Variants in GSDMB observed in about 807,000 individuals in gnomAD.
GSDMB encodes the protein gasdermin B, also known as gasdermin-B.
GSDMB carries 32 observed loss-of-function variants against 42.9 expected under a neutral mutation model. That is an observed-to-expected ratio of 0.75 (90% CI 0.56 to 1.00). GSDMB has a LOEUF of 1.00. Ranked by LOEUF, GSDMB falls within the 50% of genes least tolerant of loss-of-function variation. The pLI is 0.00. For missense variants in GSDMB, 468 were observed against 498.5 expected, an observed-to-expected ratio of 0.94 and a Z score of 0.58; for synonymous variants, 175 against 193.7, an observed-to-expected ratio of 0.90 and a Z score of 0.80.
intron 6 of GSDMB, 94 bp from the exon 7 acceptor site, chr17:39,907,081 A>C (rs1378839507): frequency 1.3e-6 from 2 of 1,590,308 alleles, no homozygotes; most frequent in Non-Finnish European, 1.7e-6. Flanking sequence ...TTACTCTTGC[A>C]ATCTGAGCCC....
intron 6 of GSDMB, 24 bp downstream of exon 6, chr17:39,908,152 C>T (rs11078927): frequency 0.41 from 557,742 of 1,358,612 alleles, 119,376 homozygotes; most frequent in Non-Finnish European, 0.44. Flanking sequence ...AAATGACGAA[C>T]GGGAAGCCCA....
chr17:39,917,591 C>A (rs1160948194), intron 1 of GSDMB: 2 of 407,810 alleles, frequency 4.9e-6, no homozygotes, highest in South Asian at 2.3e-5. Context: ...CTCCCCGCCG[C>A]CGCCCTTAAG....
Position 39,906,127 on chromosome 17 carries a change from T to C in GSDMB, c.872A>G (p.Gln291Arg). The C allele has an allele frequency of 6.2e-7, 1 of 1,614,206 alleles. No individual in the cohort carries two copies. Among genetic ancestry groups the C allele is most frequent in the Non-Finnish European group, 8.5e-7 (1 of 1,180,032 alleles). The change falls in exon 8 of 11, where the codon CAG (glutamine) becomes CGG (arginine). Residue 291 changes from glutamine to arginine, a missense_variant. By Grantham distance (43) the Gln-to-Arg change is conservative (BLOSUM62 1). Coordinates refer to ENST00000418519, the MANE Select transcript of GSDMB (RefSeq NM_001165958.2). ...AKCLGKEDIR[Q>R]DLEQRVSEVL... is the part of the protein sequence containing the mutation. ...GTCCCTTACTCTTTGCTCTAGATCCTGCCGAATATCCTCCTTGCCGAGGCA... is the reference window on the plus strand; with the variant it reads ...GTCCCTTACTCTTTGCTCTAGATCCCGCCGAATATCCTCCTTGCCGAGGCA...
rs139658310 is a variant in GSDMB at position 39,905,645 on chromosome 17, G to T, written c.1028-149C>A. ...GACTTACTCCAAACAGGCCTCTGCT[G>T]TGACTCCTGCTTCCCTCTTGGCCTG... is the stretch of plus-strand genomic sequence containing the variant. On this transcript the variant is annotated intron_variant, in intron 9 of 10. Transcript: ENST00000418519. 96 of 890,108 alleles carry T rather than the reference G, an allele frequency of 1.1e-4. No homozygotes were observed. The African/African-American group carries it at 1.5e-3, about 14-fold the overall frequency. The allele number at this position is 890,108 out of a possible 1,614,324, so 55.1% of individuals were successfully genotyped here. A position where few individuals can be genotyped will look rare whatever the true frequency, so the allele number is the denominator to read the frequency against.
At position 39,904,717 on chromosome 17, in the gene GSDMB, G is replaced by T. The variant is rs1042073237; in HGVS notation, c.*95C>A. 3.0e-6 allele frequency: 3 copies of T among 1,000,432 alleles called. No homozygotes were observed. Among genetic ancestry groups the T allele is most frequent in the Non-Finnish European group, 4.6e-6 (3 of 659,190 alleles). The allele number at this position is 1,000,432 out of a possible 1,614,324, so 62.0% of individuals were successfully genotyped here. A position where few individuals can be genotyped will look rare whatever the true frequency, so the allele number is the denominator to read the frequency against. On this transcript the variant is annotated 3_prime_UTR_variant, in exon 11 of 11. Coordinates refer to ENST00000418519, the MANE Select transcript of GSDMB (RefSeq NM_001165958.2). ...ATGGTTGGCTGCTTGTTTTAAAGAG[G>T]TCCCACTGGTGACAGGATGGTAGTG... is the stretch of plus-strand genomic sequence containing the variant.
chr17:39,914,452 G>C (rs1421779313), intron 2 of GSDMB, among the ~76,000 whole-genome samples: 1 of 152,136 alleles, frequency 6.6e-6, no homozygotes, highest in African/African-American at 2.4e-5. Flanking sequence ...ATAGAAAAAG[G>C]ACACTAGGTC....
intron 2 of GSDMB, 30 bp from the exon 3 acceptor site, chr17:39,912,527 G>C (rs757014765): frequency 1.9e-6 from 3 of 1,574,220 alleles, no homozygotes; most frequent in African/African-American, 2.7e-5. Flanking sequence ...GGTCACTCTG[G>C]AGCAGACCCC....
rs150508589 is a variant in GSDMB at position 39,904,819 on chromosome 17, G to C, written c.1244C>G (p.Ser415Cys). Residue 415 changes from serine (S) to cysteine (C), a missense_variant, in exon 11 of 11, where the codon TCT becomes TGT. Physicochemically the swap from Ser to Cys is moderately radical, Grantham distance 112. Transcript: ENST00000418519. ...LELAEGPTSV[S>C]S ...GAGAAAGGGCTTTTGTAGTTAGGAA[G>C]AGACAGAGGTAGGCCCCTCAGCCAG... 2,867 of 1,613,910 alleles carry C rather than the reference G, an allele frequency of 1.8e-3. 9 individuals are homozygous for C. Among genetic ancestry groups the C allele is most frequent in the South Asian group, 3.9e-3 (358 of 91,056 alleles).
Position 39,905,928 on chromosome 17 carries a change from G to C in GSDMB, c.946C>G (p.Leu316Val), listed in dbSNP as rs757501648. The stretch of plus-strand genomic sequence containing the variant: ...CCAGCAGCATTAAAAAGGCTGCTTA[G>C]GAGAGGCTTGTCTGGGTCCTCCATG... ...LHMEDPDKPL[L>V]SSLFNAAGVL... The change falls in exon 9 of 11, where the codon CTA (leucine) becomes GTA (valine). Residue 316 changes from leucine (L) to valine (V), a missense_variant. By Grantham distance (32) the Leu-to-Val change is conservative. Transcript: ENST00000418519. The C allele has an allele frequency of 3.1e-6, 5 of 1,614,074 alleles. No homozygotes were observed. In the South Asian group the frequency reaches 5.5e-5, roughly 18 times the overall value.
intron 3 of GSDMB, 101 bp from the exon 4 acceptor site, chr17:39,910,025 G>T: frequency 1.1e-6 from 1 of 897,058 alleles, no homozygotes; most frequent in Non-Finnish European, 1.8e-6. Flanking sequence ...AAGATTAATC[G>T]CTTCTGAGAC....
chr17:39,905,315 G>A (rs967990492), intron 10 of GSDMB, 111 bp downstream of exon 10: 18 of 733,886 alleles, frequency 2.5e-5, no homozygotes, highest in African/African-American at 3.5e-5. Flanking sequence ...GATGTGAGCC[G>A]GCAGAAAACT....
At chr17:39,912,177 G>T in intron 3 of GSDMB, 149 bp downstream of exon 3, 2 of 605,726 alleles carry the variant, frequency 3.3e-6, no homozygotes, top group Non-Finnish European at 2.9e-6. Flanking sequence ...GCCCTAGAGA[G>T]CCAGTCCCCC....
Position 39,905,737 on chromosome 17 carries a change from C to A in GSDMB, c.1027+110G>T, listed in dbSNP as rs1194494750. 8.8e-6 allele frequency: 11 copies of A among 1,243,944 alleles called. No homozygotes were observed. In the African/African-American group the frequency reaches 1.5e-4, roughly 17 times the overall value. The allele number at this position is 1,243,944 out of a possible 1,614,324, so 77.1% of individuals were successfully genotyped here. A position where few individuals can be genotyped will look rare whatever the true frequency, so the allele number is the denominator to read the frequency against. The stretch of plus-strand genomic sequence containing the variant: ...TGAGGAAGACATGAAGGAGTGCCCC[C>A]CATAAACTGTGAAGAGCAACATGCA... On this transcript the variant is annotated intron_variant, in intron 9 of 10. Transcript: ENST00000418519.
intron 3 of GSDMB, among the ~76,000 whole-genome samples, 164 bp from the exon 4 acceptor site, chr17:39,910,088 G>A (rs2063580783): frequency 1.3e-5 from 2 of 152,098 alleles, no homozygotes; most frequent in Admixed American, 6.5e-5. Flanking sequence ...CCCACCTCGG[G>A]GTGGAGGTAG....
In GSDMB at chr17:39,912,389, T is replaced by C; in HGVS notation, c.344A>G (p.His115Arg). 1.2e-6 allele frequency: 2 copies of C among 1,614,018 alleles called. No individual in the cohort carries two copies. Among genetic ancestry groups the C allele is most frequent in the Non-Finnish European group, 1.7e-6 (2 of 1,179,876 alleles). ...TISGSFQGFH[H>R]QKIKISENRI... ...GTTCTCCGATATCTTGATTTTCTGATGGTGGAAGCCCTGGAAACTGCCTGA... is the reference window on the plus strand; with the variant it reads ...GTTCTCCGATATCTTGATTTTCTGACGGTGGAAGCCCTGGAAACTGCCTGA... The change falls in exon 3 of 11, where the codon CAT becomes CGT. Residue 115 changes from histidine (H) to arginine (R), a missense_variant. By Grantham distance (29) the His-to-Arg change is conservative. Transcript: ENST00000418519.
At chr17:39,906,370 TTG>T (rs1273529335) in intron 7 of GSDMB, 99 bp from the exon 8 acceptor site, 1 of 1,155,590 alleles carries the variant, frequency 8.7e-7, no homozygotes, top group Non-Finnish European at 1.2e-6. Context: ...GACCACCTCT[TTG>T]TATCTTCCCT....
chr17:39,913,145 A>T (rs1568105073), intron 2 of GSDMB, among the ~76,000 whole-genome samples: 1 of 152,144 alleles, frequency 6.6e-6, no homozygotes. Context: ...GAAAAAGAAA[A>T]GGAAAGGAAA....
In GSDMB at chr17:39,909,893, G is replaced by A. The variant is rs201723403; in HGVS notation, c.439C>T (p.Arg147Ter). 78 of 1,613,696 alleles carry A rather than the reference G, an allele frequency of 4.8e-5. No homozygotes were observed. Among genetic ancestry groups the A allele is most frequent in the Admixed American group, 4.2e-4 (25 of 60,014 alleles). ...KLKRELPFSF[R>*]SINTRENLYL... Reference sequence around the variant, plus strand: ...AGGTTTTCTCTCGTATTAATTGATCGGAATGAAAAGGGTAGTTCCCTCTTC... The same window carrying A: ...AGGTTTTCTCTCGTATTAATTGATCAGAATGAAAAGGGTAGTTCCCTCTTC... Residue 147 changes from arginine (R) to a stop codon, truncating the protein, a stop_gained, in exon 4 of 11, where the codon CGA becomes TGA. Coordinates refer to ENST00000418519, the MANE Select transcript of GSDMB (RefSeq NM_001165958.2). LOFTEE classifies it high-confidence loss of function.
intron 2 of GSDMB, 38 bp downstream of exon 2, chr17:39,917,044 C>T (rs1419829087): frequency 1.5e-6 from 2 of 1,351,476 alleles, no homozygotes; most frequent in East Asian, 2.3e-5. Flanking sequence ...ACGGTCAAGG[C>T]CTCCTGGCTG....
Sources: gnomAD v4.1 joint callset for allele counts (sites outside exome capture counted in the v4.1 genomes callset) on GRCh38, gnomAD v4.1.1 for gene constraint, MANE v1.5 for transcripts, NCBI Gene and HGNC (gene_info 2026-07-23, HGNC 2026-07-21) for gene names.